Variants in OSBPL8 observed in about 807,000 individuals in gnomAD.
The protein encoded by OSBPL8 is oxysterol binding protein like 8.
A neutral mutation model predicts 125.5 loss-of-function variants in OSBPL8; 59 were observed. The ratio of observed to expected loss-of-function variants is 0.47; its 90% confidence interval spans 0.38 to 0.58. OSBPL8 has a LOEUF of 0.58. OSBPL8 is among the 20% of genes least tolerant of loss of function. The pLI is 0.00. For synonymous variants in OSBPL8, 330 were observed against 338.9 expected (o/e 0.97, Z 0.29); for missense variants, 758 against 1,047.8 (o/e 0.72, Z 3.82).
At chr12:76,527,747 G>C (rs370448871) in intron 1 of OSBPL8, among the ~76,000 whole-genome samples, 1 of 152,260 alleles carries the variant, frequency 6.6e-6, no homozygotes. Flanking sequence ...ATACAGAAGA[G>C]TCCTGAGCTT....
intron 1 of OSBPL8, among the ~76,000 whole-genome samples, chr12:76,553,852 C>T (rs1951017325): frequency 6.6e-6 from 1 of 151,086 alleles, no homozygotes; most frequent in South Asian, 2.1e-4. Flanking sequence ...TGGCATGCAC[C>T]CGTAATCCCA....
chr12:76,458,047 G>T (rs1044777207), intron 3 of OSBPL8, among the ~76,000 whole-genome samples: 4 of 150,850 alleles, frequency 2.7e-5, no homozygotes, highest in Non-Finnish European at 5.9e-5. Flanking sequence ...CAGGAGGATC[G>T]GATCGCTTGA....
intron 21 of OSBPL8, among the ~76,000 whole-genome samples, chr12:76,367,353 A>G (rs1276486353): frequency 6.6e-6 from 1 of 151,808 alleles, no homozygotes; most frequent in African/African-American, 2.4e-5. Flanking sequence ...TAACCACCTC[A>G]GTTTTCCTTT....
intron 9 of OSBPL8, among the ~76,000 whole-genome samples, chr12:76,393,299 T>C (rs529599416): frequency 6.6e-6 from 1 of 152,306 alleles, no homozygotes; most frequent in Admixed American, 6.5e-5. Flanking sequence ...AGCAGAAAAC[T>C]TTTCATTTAT....
chr12:76,427,316 G>T (rs980770185), intron 4 of OSBPL8, among the ~76,000 whole-genome samples: 1 of 151,850 alleles, frequency 6.6e-6, no homozygotes, highest in Non-Finnish European at 1.5e-5. Context: ...GACTTATGAG[G>T]ATGAAATTAT....
At chr12:76,506,821 A>C (rs767896017) in intron 1 of OSBPL8, among the ~76,000 whole-genome samples, 1 of 152,196 alleles carries the variant, frequency 6.6e-6, no homozygotes, top group African/African-American at 2.4e-5. Flanking sequence ...AAAGTCAAAA[A>C]CATTTAAATG....
chr12:76,448,938 G>A (rs532032028), intron 4 of OSBPL8, among the ~76,000 whole-genome samples: 15 of 152,240 alleles, frequency 9.9e-5, no homozygotes, highest in Admixed American at 1.3e-4. Context: ...GCTTGAACCC[G>A]GGAGATGGAG....
chr12:76,449,805 T>C (rs993286957), intron 4 of OSBPL8, among the ~76,000 whole-genome samples: 5 of 152,148 alleles, frequency 3.3e-5, no homozygotes, highest in African/African-American at 1.2e-4. Flanking sequence ...AAATCATGCA[T>C]GAGTAAAGAG....
chr12:76,418,303 C>T (rs924553936), intron 4 of OSBPL8, among the ~76,000 whole-genome samples: 1 of 152,064 alleles, frequency 6.6e-6, no homozygotes, highest in Admixed American at 6.5e-5. Flanking sequence ...CTGTGCCAGG[C>T]CGATTTTCAC....
intron 9 of OSBPL8, among the ~76,000 whole-genome samples, chr12:76,394,107 T>C (rs1953691244): frequency 6.6e-6 from 1 of 152,290 alleles, no homozygotes; most frequent in East Asian, 1.9e-4. Flanking sequence ...TTGTCTAAAC[T>C]ATGAAACATG....
intron 4 of OSBPL8, among the ~76,000 whole-genome samples, chr12:76,417,891 T>C (rs1271954273): frequency 1.3e-5 from 2 of 152,158 alleles, no homozygotes; most frequent in Non-Finnish European, 2.9e-5. Context: ...TATTTTCTTA[T>C]GTATCTGGCC....
At chr12:76,536,625 G>T (rs1337011933) in intron 1 of OSBPL8, among the ~76,000 whole-genome samples, 2 of 151,960 alleles carry the variant, frequency 1.3e-5, no homozygotes, top group African/African-American at 4.8e-5. Context: ...AATCCTGAAA[G>T]AATTTCTAGA....
chr12:76,453,282 C>A (rs1171638129), intron 3 of OSBPL8, among the ~76,000 whole-genome samples: 1 of 152,086 alleles, frequency 6.6e-6, no homozygotes, highest in African/African-American at 2.4e-5. Context: ...AATAAACCAA[C>A]TTTATATTTT....
chr12:76,400,792 CTTT>C (rs879470526), intron 6 of OSBPL8, among the ~76,000 whole-genome samples: 5 of 137,060 alleles, frequency 3.6e-5, no homozygotes, highest in African/African-American at 8.0e-5. Flanking sequence ...ATAATTTTAC[CTTT>C]TTTTTTTTTT....
intron 1 of OSBPL8, among the ~76,000 whole-genome samples, chr12:76,550,576 A>G (rs987966772): frequency 6.6e-6 from 1 of 152,200 alleles, no homozygotes; most frequent in East Asian, 1.9e-4. Context: ...AACACTAACA[A>G]TAGCTGATGA....
At chr12:76,556,064 T>C (rs1951086990) in intron 1 of OSBPL8, among the ~76,000 whole-genome samples, 1 of 152,172 alleles carries the variant, frequency 6.6e-6, no homozygotes, top group Non-Finnish European at 1.5e-5. Context: ...GTTCCCCTTC[T>C]CCCAAGCTAA....
intron 4 of OSBPL8, among the ~76,000 whole-genome samples, chr12:76,431,441 G>A (rs1315015151): frequency 6.6e-6 from 1 of 151,944 alleles, no homozygotes; most frequent in Non-Finnish European, 1.5e-5. Context: ...AAAGTTAAAT[G>A]GACTAAAATT....
At chr12:76,516,431 C>T (rs1881537851) in intron 1 of OSBPL8, among the ~76,000 whole-genome samples, 1 of 152,156 alleles carries the variant, frequency 6.6e-6, no homozygotes, top group Admixed American at 6.5e-5. Context: ...TGTGCTTCCT[C>T]GTATTATAAG....
Position 76,400,097 on chromosome 12 carries a change from C to T in OSBPL8, c.367-123G>A, listed in dbSNP as rs955970769. The T allele has an allele frequency of 2.1e-5, 14 of 682,410 alleles. No homozygotes were observed. The African/African-American group carries it at 2.6e-4, about 12-fold the overall frequency. The allele number at this position is 682,410 out of a possible 1,614,324, so 42.3% of individuals were successfully genotyped here. On this transcript the variant is annotated intron_variant, in intron 6 of 23. Transcript: ENST00000261183. Reference sequence around the variant, plus strand: ...ACCTGTGTCATGGGGTTTTGTTGTACATATTTTATCATTCAGGTATTAAGC... The same window carrying T: ...ACCTGTGTCATGGGGTTTTGTTGTATATATTTTATCATTCAGGTATTAAGC...
Sources: allele counts gnomAD v4.1 joint callset (sites outside exome capture counted in the v4.1 genomes callset), GRCh38; gene constraint gnomAD v4.1.1; transcripts MANE v1.5; gene names NCBI Gene and HGNC (gene_info 2026-07-23, HGNC 2026-07-21).